Variants in TPRX1 observed in about 807,000 individuals in gnomAD.
TPRX1 encodes the protein tetra-peptide repeat homeobox protein 1.
In TPRX1, 2 loss-of-function variants were observed where a neutral mutation model predicts 8.1. The observed-to-expected ratio is 0.25, with a 90% CI of 0.10 to 0.78. The LOEUF is 0.78. Among genes scored for constraint, TPRX1 ranks in the 30% least tolerant of loss-of-function variants. The pLI is 0.70. For missense variants in TPRX1, 517 were observed against 586.9 expected (o/e 0.88, Z 1.23); for synonymous variants, 257 against 254.1 (o/e 1.01, Z -0.11).
At chr19:47,812,157 G>A (rs556152679) in intron 2 of TPRX1, among the ~76,000 whole-genome samples, 42 of 151,180 alleles carry the variant, frequency 2.8e-4, no homozygotes, top group African/African-American at 7.5e-4. Flanking sequence ...TGAGCCACCC[G>A]TGCCCGGCCT....
At chr19:47,809,139 T>C (rs910000079) in intron 2 of TPRX1, among the ~76,000 whole-genome samples, 4 of 152,304 alleles carry the variant, frequency 2.6e-5, no homozygotes, top group South Asian at 2.1e-4. Flanking sequence ...TGCTGAGTAA[T>C]AATGTACTAA....
chr19:47,815,803 C>A (rs1967834893), intron 2 of TPRX1, among the ~76,000 whole-genome samples: 1 of 151,600 alleles, frequency 6.6e-6, no homozygotes, highest in Non-Finnish European at 1.5e-5. Context: ...CAGAGCAAGA[C>A]CCTGTCTCAA....
chr19:47,818,649 C>A, intron 1 of TPRX1: 1 of 430,372 alleles, frequency 2.3e-6, no homozygotes, highest in South Asian at 1.7e-5. Flanking sequence ...CACCCCCATC[C>A]TGCAGTAGAG....
chr19:47,802,591 T>A, exon 4 of TPRX1: 1 of 1,550,426 alleles, frequency 6.4e-7, no homozygotes, highest in Non-Finnish European at 8.7e-7. Context: ...GGACTGGGCC[T>A]GAAATTGGGC....
rs1388290487 is a variant in TPRX1 at position 47,804,505 on chromosome 19, C to A, written c.152-832G>T. Among the ~76,000 whole-genome samples, 1 of 152,208 alleles carries A rather than the reference C, an allele frequency of 6.6e-6. No homozygotes were observed. The highest frequency in any genetic ancestry group is 1.5e-5 in the Non-Finnish European group (1 of 68,042). ...CAGCCCAGACCCCTCACACCTCTGT[C>A]CCCGCTCACCTTGGAGATGACCAGG... On this transcript the variant is annotated intron_variant, in intron 2 of 3. Coordinates refer to ENST00000535759, the Ensembl canonical transcript of TPRX1.
intron 2 of TPRX1, among the ~76,000 whole-genome samples, chr19:47,814,380 T>A (rs1967812523): frequency 1.4e-5 from 2 of 139,662 alleles, no homozygotes; most frequent in Admixed American, 1.4e-4. Context: ...TAAGGTTTAT[T>A]ATGCGCTGTG....
At chr19:47,802,090 G>A in exon 4 of TPRX1, 1 of 1,592,396 alleles carries the variant, frequency 6.3e-7, no homozygotes, top group Non-Finnish European at 8.5e-7. Context: ...CTGAGCCTGG[G>A]CCTAAAATCG....
intron 2 of TPRX1, among the ~76,000 whole-genome samples, chr19:47,814,530 T>C (rs1967813892): frequency 6.6e-6 from 1 of 152,134 alleles, no homozygotes. Flanking sequence ...ACCTCTACCC[T>C]GACTTTCTAC....
chr19:47,812,759 C>A (rs976186752), intron 2 of TPRX1, among the ~76,000 whole-genome samples: 7 of 151,834 alleles, frequency 4.6e-5, no homozygotes, highest in African/African-American at 1.7e-4. Flanking sequence ...TGCACTTCAT[C>A]CTGGGCCACA....
chr19:47,802,965 G>C (rs1197488648), exon 4 of TPRX1: 1 of 1,551,356 alleles, frequency 6.4e-7, no homozygotes, highest in African/African-American at 1.3e-5. Flanking sequence ...TTGGCGCGGC[G>C]ATTCTTGAAC....
intron 2 of TPRX1, among the ~76,000 whole-genome samples, chr19:47,816,693 C>T (rs1022700297): frequency 4.0e-5 from 6 of 151,640 alleles, no homozygotes; most frequent in Admixed American, 6.6e-5. Flanking sequence ...CCACCACGCC[C>T]GGCTATTTTT....
At chr19:47,818,276 CATCA>C (rs1255187100) in intron 2 of TPRX1, among the ~76,000 whole-genome samples, 7 of 128,316 alleles carry the variant, frequency 5.5e-5, no homozygotes, top group Non-Finnish European at 7.8e-5. Flanking sequence ...TCCATCCATC[CATCA>C]CCCATCCATC....
At chr19:47,805,913 A>G (rs1419221809) in intron 2 of TPRX1, among the ~76,000 whole-genome samples, 1 of 152,228 alleles carries the variant, frequency 6.6e-6, no homozygotes, top group African/African-American at 2.4e-5. Flanking sequence ...ACATCGATCC[A>G]CTGATGCATG....
At chr19:47,804,186 C>G (rs1967712386) in intron 2 of TPRX1, among the ~76,000 whole-genome samples, 1 of 151,016 alleles carries the variant, frequency 6.6e-6, no homozygotes, top group Non-Finnish European at 1.5e-5. Context: ...TCCCGAGTAG[C>G]TGGGACCACA....
At chr19:47,805,800 A>T (rs1397107289) in intron 2 of TPRX1, among the ~76,000 whole-genome samples, 6 of 152,350 alleles carry the variant, frequency 3.9e-5, no homozygotes, top group Admixed American at 3.9e-4. Context: ...ACATAAACAG[A>T]TGAACAAGCT....
intron 2 of TPRX1, among the ~76,000 whole-genome samples, chr19:47,805,147 G>C (rs1459431070): frequency 6.6e-6 from 1 of 152,216 alleles, no homozygotes; most frequent in African/African-American, 2.4e-5. Flanking sequence ...TGCTGATAAT[G>C]GTTTGGTTTC....
At chr19:47,802,670 G>A (rs1168201778) in exon 4 of TPRX1, 5 of 1,563,932 alleles carry the variant, frequency 3.2e-6, no homozygotes, top group Non-Finnish European at 4.3e-6. Context: ...AATTGAGCCA[G>A]GGAGTGGGCC....
At chr19:47,806,386 G>A (rs1967735398) in intron 2 of TPRX1, among the ~76,000 whole-genome samples, 1 of 151,712 alleles carries the variant, frequency 6.6e-6, no homozygotes, top group Admixed American at 6.6e-5. Context: ...CAAGCATGGT[G>A]GCGGGAGCCT....
At chr19:47,805,794 A>G (rs1191080610) in intron 2 of TPRX1, among the ~76,000 whole-genome samples, 1 of 152,230 alleles carries the variant, frequency 6.6e-6, no homozygotes, top group East Asian at 1.9e-4. Context: ...ATAAAGACAT[A>G]AACAGATGAA....
Sources: allele counts gnomAD v4.1 joint callset (sites outside exome capture counted in the v4.1 genomes callset), GRCh38; gene constraint gnomAD v4.1.1; transcripts MANE v1.5; gene names NCBI Gene and HGNC (gene_info 2026-07-23, HGNC 2026-07-21).